Variants in LRCH2 observed in about 807,000 individuals in gnomAD.
LRCH2 encodes leucine-rich repeat and calponin homology domain-containing protein 2.
In LRCH2, 38 loss-of-function variants were observed where a neutral mutation model predicts 68.9. The observed-to-expected ratio is 0.55, with a 90% CI of 0.43 to 0.72. LRCH2 has a LOEUF of 0.72. Among genes scored for constraint, LRCH2 ranks in the 30% least tolerant of loss-of-function variants. The probability of loss-of-function intolerance (pLI) is 0.00; values close to 1 mark genes in which losing one functional copy is unlikely to be tolerated. For missense variants in LRCH2, 528 were observed against 572.9 expected (o/e 0.92, Z 0.80); for synonymous variants, 191 against 208.1 (o/e 0.92, Z 0.71).
At chrX:115,196,096 G>A (rs782367598) in intron 1 of LRCH2, among the ~76,000 whole-genome samples, 1 of 111,228 alleles carries the variant, frequency 9.0e-6, no homozygotes. Context: ...ACTAAGAAAC[G>A]GACATGGCAT....
Position 115,155,582 on chromosome X carries a change from GA to G in LRCH2, c.1529+1019del, listed in dbSNP as rs782419954. On this transcript the variant is annotated intron_variant, in intron 12 of 20. Coordinates refer to ENST00000317135, the MANE Select transcript of LRCH2 (RefSeq NM_020871.4). Reference sequence around the variant, plus strand: ...GGAAGGGCTGAGATACAAAAGAAAGGAAAAATAAGAAAGTTCACAATAGTAA... The same window carrying G: ...GGAAGGGCTGAGATACAAAAGAAAGGAAAATAAGAAAGTTCACAATAGTAA... Among the ~76,000 whole-genome samples the G allele has an allele frequency of 1.3e-3, 149 of 111,876 alleles. 1 individual carries two copies. Among genetic ancestry groups the G allele is most frequent in the African/African-American group, 4.5e-3 (138 of 30,855 alleles).
chrX:115,155,038 CAAAAAAAAAAA>C (rs561385926), intron 12 of LRCH2, among the ~76,000 whole-genome samples: 31 of 41,865 alleles, frequency 7.4e-4, no homozygotes, highest in African/African-American at 5.1e-4. Context: ...AAGACTCTGT[CAAAAAAAAAAA>C]AAAAAAAAAA....
At chrX:115,144,303 T>C (rs2072363434) in intron 14 of LRCH2, among the ~76,000 whole-genome samples, 1 of 111,232 alleles carries the variant, frequency 9.0e-6, no homozygotes, top group South Asian at 3.8e-4. Flanking sequence ...AAAAATAGAC[T>C]AATACACTCT....
chrX:115,194,134 T>C (rs2072869255), intron 1 of LRCH2, among the ~76,000 whole-genome samples: 1 of 111,265 alleles, frequency 9.0e-6, no homozygotes, highest in African/African-American at 3.3e-5. Context: ...ATATGTAATA[T>C]ATAGAGATAC....
At chrX:115,186,911 C>T (rs1466626054) in intron 2 of LRCH2, among the ~76,000 whole-genome samples, 5 of 104,556 alleles carry the variant, frequency 4.8e-5, no homozygotes, top group Non-Finnish European at 9.8e-5. Flanking sequence ...CTCCGCCTCC[C>T]AGGTTCACAT....
intron 12 of LRCH2, among the ~76,000 whole-genome samples, chrX:115,155,583 A>T (rs1472618412): frequency 8.9e-6 from 1 of 111,948 alleles, no homozygotes; most frequent in Non-Finnish European, 1.9e-5. Flanking sequence ...AAAAGAAAGG[A>T]AAAATAAGAA....
At chrX:115,203,737 C>A in intron 1 of LRCH2, among the ~76,000 whole-genome samples, 1 of 112,650 alleles carries the variant, frequency 8.9e-6, no homozygotes, top group Non-Finnish European at 1.9e-5. Context: ...CAAGGCCTTG[C>A]GTAGCTCTAC....
At chrX:115,189,844 G>A (rs782647407) in intron 1 of LRCH2, 103 of 1,166,246 alleles carry the variant, frequency 8.8e-5, no homozygotes, top group Non-Finnish European at 1.1e-4. Context: ...CGGCTACGCG[G>A]GGTATTTCGA....
rs782219429 is a variant in LRCH2, at chrX:115,225,798, C to G, written c.349+7895G>C. On this transcript the variant is annotated intron_variant, in intron 1 of 20. Coordinates refer to ENST00000317135, the MANE Select transcript of LRCH2 (RefSeq NM_020871.4). ...GGGCAAAATAAATGAAAAGCTATTT[C>G]ACAGTACAGGAAAGACATATGACCA... Among the ~76,000 whole-genome samples, 10 of 109,549 alleles carry G rather than the reference C, an allele frequency of 9.1e-5. No individual in the cohort carries two copies. The East Asian group carries it at 2.3e-3, about 25-fold the overall frequency.
rs1556558339 is a variant in LRCH2, at chrX:115,190,919, G to A, written c.350-2549C>T. 3 of 1,165,689 alleles carry A rather than the reference G, an allele frequency of 2.6e-6. No homozygotes were observed. The Admixed American group carries it at 7.8e-5, about 30-fold the overall frequency. The stretch of plus-strand genomic sequence containing the variant: ...GGCTGCTCGCCCGAGGCCTACAGTG[G>A]GGGCCACGACAATTCCAGCTGGAGC... On this transcript the variant is annotated intron_variant, in intron 1 of 20. Transcript: ENST00000317135.
intron 1 of LRCH2, among the ~76,000 whole-genome samples, chrX:115,209,752 G>A (rs1556569404): frequency 8.9e-6 from 1 of 112,054 alleles, no homozygotes; most frequent in East Asian, 2.8e-4. Context: ...CTAGAAACCT[G>A]TTGAATGGTT....
At chrX:115,214,738 C>T (rs1216730791) in intron 1 of LRCH2, among the ~76,000 whole-genome samples, 1 of 111,813 alleles carries the variant, frequency 8.9e-6, no homozygotes, top group Non-Finnish European at 1.9e-5. Flanking sequence ...CAAACAAAAA[C>T]AGATATTGCA....
intron 1 of LRCH2, among the ~76,000 whole-genome samples, chrX:115,231,334 T>C (rs2073151530): frequency 9.0e-6 from 1 of 111,728 alleles, no homozygotes; most frequent in Non-Finnish European, 1.9e-5. Context: ...TGTATGTACA[T>C]ATGTATGTAT....
intron 1 of LRCH2, chrX:115,189,866 A>G (rs981135515): frequency 4.3e-5 from 50 of 1,164,598 alleles, no homozygotes; most frequent in Non-Finnish European, 5.5e-5. Context: ...CTGTGGCCCT[A>G]CAGGGCCCCG....
chrX:115,173,864 C>T (rs955903831), intron 5 of LRCH2, among the ~76,000 whole-genome samples: 2 of 112,000 alleles, frequency 1.8e-5, no homozygotes. Context: ...TTATGATGAT[C>T]AACTTCCACT....
At chrX:115,134,912 T>G (rs2072275617) in intron 14 of LRCH2, among the ~76,000 whole-genome samples, 1 of 110,664 alleles carries the variant, frequency 9.0e-6, no homozygotes, top group African/African-American at 3.3e-5. Flanking sequence ...CCTCTGCAAA[T>G]GATTCATCAT....
rs147061376 is a variant in LRCH2 at position 115,207,900 on chromosome X, A to T, written c.350-19530T>A. Among the ~76,000 whole-genome samples, 842 of 111,860 alleles carry T rather than the reference A, an allele frequency of 7.5e-3. 6 individuals carry two copies. Among genetic ancestry groups the T allele is most frequent in the Non-Finnish European group, 0.011 (599 of 53,173 alleles). On this transcript the variant is annotated intron_variant, in intron 1 of 20. Coordinates refer to ENST00000317135, the MANE Select transcript of LRCH2 (RefSeq NM_020871.4). Reference sequence around the variant, plus strand: ...AGGTATCCTTATAAGAGGAAAGCAGAGGGTAAACCAGACAGACTGAAGAGG... The same window carrying T: ...AGGTATCCTTATAAGAGGAAAGCAGTGGGTAAACCAGACAGACTGAAGAGG...
chrX:115,183,737 T>C (rs1270319885), intron 3 of LRCH2, among the ~76,000 whole-genome samples: 5 of 111,392 alleles, frequency 4.5e-5, no homozygotes, highest in Non-Finnish European at 7.5e-5. Flanking sequence ...GAAAGCATCA[T>C]TCAAAATAAA....
intron 10 of LRCH2, among the ~76,000 whole-genome samples, 198 bp downstream of exon 10, chrX:115,165,207 C>T (rs781935344): frequency 9.9e-5 from 11 of 110,596 alleles, no homozygotes; most frequent in Admixed American, 2.9e-4. Flanking sequence ...AGTGCACATC[C>T]TACACTCAAA....
Sources: gnomAD v4.1 joint callset for allele counts (sites outside exome capture counted in the v4.1 genomes callset) on GRCh38, gnomAD v4.1.1 for gene constraint, MANE v1.5 for transcripts, NCBI Gene and HGNC (gene_info 2026-07-23, HGNC 2026-07-21) for gene names.